The following RAD51B variants were observed in gnomAD, a reference collection of about 807,000 sequenced individuals.
RAD51B encodes RAD51 paralog B.
RAD51B carries 38 observed loss-of-function variants against 42.2 expected under a neutral mutation model. That is an observed-to-expected ratio of 0.90 (90% CI 0.70 to 1.18). RAD51B has a LOEUF of 1.18. RAD51B is among the 50% of genes most tolerant of loss of function. The pLI is 0.00. For missense variants in RAD51B, 373 were observed against 400.7 expected (o/e 0.93, Z 0.59); for synonymous variants, 154 against 145.2 (o/e 1.06, Z -0.43).
At chr14:68,051,435 G>A (rs921036418) in intron 7 of RAD51B, among the ~76,000 whole-genome samples, 2 of 151,984 alleles carry the variant, frequency 1.3e-5, no homozygotes, top group African/African-American at 4.8e-5. Flanking sequence ...TAAATATGCT[G>A]TAGGGAATAG....
intron 7 of RAD51B, among the ~76,000 whole-genome samples, chr14:68,148,213 C>G (rs951345716): frequency 6.6e-6 from 1 of 152,190 alleles, no homozygotes; most frequent in Non-Finnish European, 1.5e-5. Context: ...ACTACATTTG[C>G]TTATCCATTC....
intron 10 of RAD51B, among the ~76,000 whole-genome samples, chr14:68,496,530 G>T (rs1275628457): frequency 6.6e-6 from 1 of 152,172 alleles, no homozygotes; most frequent in Non-Finnish European, 1.5e-5. Context: ...TGCTCCCATG[G>T]CCTGATACCT....
At chr14:67,884,937 C>T (rs2043018760) in intron 5 of RAD51B, among the ~76,000 whole-genome samples, 1 of 152,128 alleles carries the variant, frequency 6.6e-6, no homozygotes, top group African/African-American at 2.4e-5. Context: ...CCAGCTTCTT[C>T]TCAGAACTCT....
intron 8 of RAD51B, among the ~76,000 whole-genome samples, chr14:68,372,106 C>G (rs2083277078): frequency 6.6e-6 from 1 of 152,144 alleles, no homozygotes; most frequent in African/African-American, 2.4e-5. Flanking sequence ...GCTAATATTT[C>G]AAGAAGCAAG....
At chr14:68,633,641 G>GT (rs1351759149) in intron 10 of RAD51B, among the ~76,000 whole-genome samples, 9 of 152,212 alleles carry the variant, frequency 5.9e-5, no homozygotes, top group Non-Finnish European at 1.5e-5. Context: ...TTCTCCAAAT[G>GT]TTTAGATGTG....
intron 8 of RAD51B, among the ~76,000 whole-genome samples, chr14:68,349,993 T>C (rs1334954629): frequency 6.6e-6 from 1 of 152,236 alleles, no homozygotes; most frequent in Non-Finnish European, 1.5e-5. Context: ...GCTATCGCAC[T>C]GGGAGGAAAT....
At chr14:68,087,329 A>G (rs2076999865) in intron 7 of RAD51B, among the ~76,000 whole-genome samples, 1 of 152,112 alleles carries the variant, frequency 6.6e-6, no homozygotes, top group Non-Finnish European at 1.5e-5. Flanking sequence ...TCTAATAATC[A>G]GAGTAGCAGG....
chr14:68,440,754 AAAGAAAG>A (rs1201909323), intron 9 of RAD51B, among the ~76,000 whole-genome samples: 1 of 149,750 alleles, frequency 6.7e-6, no homozygotes, highest in African/African-American at 2.5e-5. Flanking sequence ...CTCAAAAAAA[AAAGAAAG>A]AAAGAAAGAA....
intron 7 of RAD51B, among the ~76,000 whole-genome samples, chr14:68,022,250 A>C (rs541020229): frequency 1.3e-5 from 2 of 152,300 alleles, no homozygotes; most frequent in East Asian, 1.9e-4. Context: ...ATGTTGCTGC[A>C]AAGGACATGA....
At chr14:68,142,037 G>T (rs118088144) in intron 7 of RAD51B, among the ~76,000 whole-genome samples, 2,004 of 152,014 alleles carry the variant, frequency 0.013, 22 homozygotes, top group South Asian at 0.025. Context: ...CTTATTCCCA[G>T]AATTAAATGA....
chr14:68,664,559 T>C (rs1892994925), intron 11 of RAD51B, among the ~76,000 whole-genome samples: 2 of 152,206 alleles, frequency 1.3e-5, no homozygotes, highest in Admixed American at 6.5e-5. Flanking sequence ...AAAGCTGGAA[T>C]TTCTGCCAAG....
intron 7 of RAD51B, among the ~76,000 whole-genome samples, chr14:68,043,686 G>A (rs2076251632): frequency 6.6e-6 from 1 of 152,126 alleles, no homozygotes; most frequent in African/African-American, 2.4e-5. Flanking sequence ...ATGCAACCTT[G>A]GGCTGGTATT....
At chr14:67,931,153 C>A (rs1430790608) in intron 7 of RAD51B, among the ~76,000 whole-genome samples, 1 of 152,104 alleles carries the variant, frequency 6.6e-6, no homozygotes, top group Admixed American at 6.5e-5. Flanking sequence ...AATCGCCTGA[C>A]CTCGTGATCC....
intron 10 of RAD51B, among the ~76,000 whole-genome samples, chr14:68,582,015 G>T (rs966674028): frequency 2.0e-5 from 3 of 152,150 alleles, no homozygotes; most frequent in East Asian, 3.8e-4. Flanking sequence ...ACTCAAGATG[G>T]ATTAAAGACT....
intron 7 of RAD51B, among the ~76,000 whole-genome samples, chr14:68,218,906 T>C (rs1672336368): frequency 6.6e-6 from 1 of 152,194 alleles, no homozygotes; most frequent in Admixed American, 6.5e-5. Context: ...AATGTGGTCA[T>C]GGACAGTGAT....
At chr14:68,455,064 C>CA (rs2085650896) in intron 9 of RAD51B, among the ~76,000 whole-genome samples, 1 of 152,068 alleles carries the variant, frequency 6.6e-6, no homozygotes, top group African/African-American at 2.4e-5. Flanking sequence ...AACATACACA[C>CA]ACACAGGCTG....
At chr14:68,564,047 G>C (rs988945375) in intron 10 of RAD51B, 1 of 629,626 alleles carries the variant, frequency 1.6e-6, no homozygotes, top group African/African-American at 2.0e-5. Flanking sequence ...TAGAGGGCCT[G>C]CATGGGCTGG....
intron 7 of RAD51B, among the ~76,000 whole-genome samples, chr14:68,279,415 T>C (rs56332538): frequency 6.6e-6 from 1 of 152,342 alleles, no homozygotes; most frequent in East Asian, 1.9e-4. Context: ...AGTCAGTGTT[T>C]CCAGCTTCTG....
At chr14:68,371,050 AAAAAAGAAAAAAAG>A (rs2083248687) in intron 8 of RAD51B, among the ~76,000 whole-genome samples, 1 of 114,152 alleles carries the variant, frequency 8.8e-6, no homozygotes, top group East Asian at 2.0e-4. Flanking sequence ...AAAAAAAAAA[AAAAAAGAAAAAAAG>A]AAAAGAAAAT....
Sources: allele counts gnomAD v4.1 joint callset (sites outside exome capture counted in the v4.1 genomes callset), GRCh38; gene constraint gnomAD v4.1.1; transcripts MANE v1.5; gene names NCBI Gene and HGNC (gene_info 2026-07-23, HGNC 2026-07-21).